Variants in RARB observed in about 807,000 individuals in gnomAD.
The protein encoded by RARB is retinoic acid receptor beta, also known as HBV-activated protein.
A neutral mutation model predicts 51.9 loss-of-function variants in RARB; 17 were observed. The ratio of observed to expected loss-of-function variants is 0.33; its 90% confidence interval spans 0.22 to 0.49. RARB has a LOEUF of 0.49. RARB is among the 20% of genes least tolerant of loss of function. The probability of loss-of-function intolerance (pLI) is 0.99; values close to 1 mark genes in which losing one functional copy is unlikely to be tolerated. For synonymous variants in RARB, 215 were observed against 195.4 expected (o/e 1.10, Z -0.84); for missense variants, 369 against 550.8 (o/e 0.67, Z 3.30).
chr3:24,850,612 G>C lies in RARB; in HGVS notation c.-458-8062G>C, dbSNP rs115824539. ...GAAACCTATGCAGACAGAAGAGTAG[G>C]AAGTGCTTTCTGAATGATAAATGTT... On this transcript the variant is annotated intron_variant, in intron 1 of 11. Coordinates refer to the RARB transcript ENST00000383772. Among the ~76,000 whole-genome samples, 1,470 of 150,282 alleles carry C rather than the reference G, an allele frequency of 9.8e-3. 33 individuals carry two copies. Among genetic ancestry groups the C allele is most frequent in the African/African-American group, 0.036 (1,429 of 39,946 alleles).
At chr3:24,844,229 G>A (rs1370604676) in intron 1 of RARB, among the ~76,000 whole-genome samples, 1 of 152,184 alleles carries the variant, frequency 6.6e-6, no homozygotes, top group Admixed American at 6.5e-5. Context: ...GAGATCTGCT[G>A]AGGTTCTGAA....
At chr3:24,933,111 G>GA (rs1225608025) in intron 2 of RARB, among the ~76,000 whole-genome samples, 2 of 151,840 alleles carry the variant, frequency 1.3e-5, no homozygotes, top group East Asian at 1.9e-4. Flanking sequence ...TAATTCAGCA[G>GA]AAAAAATAAG....
chr3:25,587,186 C>A (rs1035180187), intron 5 of RARB, among the ~76,000 whole-genome samples: 2 of 151,912 alleles, frequency 1.3e-5, no homozygotes, highest in African/African-American at 4.9e-5. Flanking sequence ...GTTCCTGGCA[C>A]ATAGTAAGTG....
chr3:25,240,716 T>A (rs914920682), intron 5 of RARB, among the ~76,000 whole-genome samples: 2 of 152,216 alleles, frequency 1.3e-5, no homozygotes, highest in African/African-American at 4.8e-5. Context: ...TTTGATGTGC[T>A]GTTGAATTCA....
chr3:24,947,191 C>G (rs577396550), intron 2 of RARB, among the ~76,000 whole-genome samples: 1 of 152,164 alleles, frequency 6.6e-6, no homozygotes, highest in African/African-American at 2.4e-5. Context: ...TCTCCCACAG[C>G]TTTCTGTACT....
intron 2 of RARB, among the ~76,000 whole-genome samples, chr3:24,950,664 G>T (rs1695869957): frequency 6.6e-6 from 1 of 151,384 alleles, no homozygotes; most frequent in African/African-American, 2.4e-5. Context: ...ACCCAGCAGG[G>T]TTAGTGGAAG....
At chr3:25,355,986 A>G (rs892401891) in intron 5 of RARB, among the ~76,000 whole-genome samples, 2 of 152,158 alleles carry the variant, frequency 1.3e-5, no homozygotes, top group African/African-American at 4.8e-5. Flanking sequence ...GAAAATGCTC[A>G]TATCATTTTT....
intron 5 of RARB, among the ~76,000 whole-genome samples, chr3:25,252,714 T>A (rs570033499): frequency 2.1e-4 from 32 of 152,354 alleles, no homozygotes; most frequent in Admixed American, 1.5e-3. Context: ...GCCACCTTGC[T>A]GAACATATTT....
At chr3:25,433,939 T>G (rs895397790) in intron 1 of RARB, among the ~76,000 whole-genome samples, 21 of 152,232 alleles carry the variant, frequency 1.4e-4, no homozygotes, top group African/African-American at 5.1e-4. Context: ...TCTTGAGCTT[T>G]CAGAGCTTCT....
At chr3:25,437,338 C>T (rs946013424) in intron 1 of RARB, among the ~76,000 whole-genome samples, 1 of 152,170 alleles carries the variant, frequency 6.6e-6, no homozygotes, top group African/African-American at 2.4e-5. Context: ...TCACAATACA[C>T]TTAGCCCAAA....
chr3:25,280,651 A>G (rs937398641), intron 5 of RARB, among the ~76,000 whole-genome samples: 2 of 152,174 alleles, frequency 1.3e-5, no homozygotes, highest in Non-Finnish European at 2.9e-5. Context: ...ATGTTACGTC[A>G]ACGTTTATTG....
intron 2 of RARB, among the ~76,000 whole-genome samples, chr3:24,879,029 C>A (rs7622169): frequency 0.15 from 22,852 of 152,116 alleles, 1,911 homozygotes; most frequent in East Asian, 0.25. Flanking sequence ...GATATATTAA[C>A]TGGCTTTCAC....
chr3:25,228,281 C>G (rs1429122156), intron 5 of RARB, among the ~76,000 whole-genome samples: 1 of 127,184 alleles, frequency 7.9e-6, no homozygotes. Flanking sequence ...ATACTCTACT[C>G]TTTGTTTGCC....
chr3:24,965,143 G>T (rs1167057172), intron 2 of RARB, among the ~76,000 whole-genome samples: 1 of 152,082 alleles, frequency 6.6e-6, no homozygotes, highest in East Asian at 1.9e-4. Flanking sequence ...TCTGGTTAAG[G>T]GCACAGGATC....
chr3:25,427,887 G>A (rs1708040532), upstream of RARB, among the ~76,000 whole-genome samples: 1 of 152,172 alleles, frequency 6.6e-6, no homozygotes, highest in African/African-American at 2.4e-5. Flanking sequence ...GCGAGGCGGT[G>A]GGCGGGAGGC....
chr3:25,214,287 G>A lies in RARB; in HGVS notation c.178+39712G>A, dbSNP rs540139691. 3.3e-5 allele frequency among the ~76,000 whole-genome samples: 5 copies of A among 152,218 alleles called. No individual in the cohort carries two copies. In the South Asian group the frequency reaches 6.2e-4, roughly 19 times the overall value. ...TGGCTGGGTAAGAGAAGTTCTCTTT[G>A]AGCGATTAACTTGAGCAAATGAGCT... On this transcript the variant is annotated intron_variant, in intron 5 of 11. Coordinates refer to the RARB transcript ENST00000383772.
At chr3:25,337,541 A>C (rs1705099081) in intron 5 of RARB, among the ~76,000 whole-genome samples, 1 of 152,142 alleles carries the variant, frequency 6.6e-6, no homozygotes, top group African/African-American at 2.4e-5. Flanking sequence ...AAATGCATCG[A>C]CATCATTCCC....
intron 5 of RARB, among the ~76,000 whole-genome samples, chr3:25,393,651 C>G (rs1424645746): frequency 6.6e-6 from 1 of 152,082 alleles, no homozygotes; most frequent in Non-Finnish European, 1.5e-5. Context: ...TTCATCTCCT[C>G]TAGGTTTTCT....
chr3:24,878,464 G>A (rs1484011733), intron 2 of RARB, among the ~76,000 whole-genome samples: 3 of 152,036 alleles, frequency 2.0e-5, no homozygotes, highest in Admixed American at 2.0e-4. Flanking sequence ...GGAGTGGGAA[G>A]CAAAAGAGCT....
Sources: allele counts gnomAD v4.1 joint callset (sites outside exome capture counted in the v4.1 genomes callset), GRCh38; gene constraint gnomAD v4.1.1; transcripts MANE v1.5; gene names NCBI Gene and HGNC (gene_info 2026-07-23, HGNC 2026-07-21).